Variants in SNAP25 observed in about 807,000 individuals in gnomAD.
The protein encoded by SNAP25 is synaptosome associated protein 25, also known as synaptosomal-associated protein 25.
Under a neutral mutation model 28.7 loss-of-function variants are expected in SNAP25, and 3 were observed. The observed-to-expected ratio is 0.10, with a 90% CI of 0.05 to 0.27. The LOEUF (loss-of-function observed/expected upper bound fraction) is 0.27, where lower values mean the gene tolerates loss of function less well. Ranked by LOEUF, SNAP25 falls within the 10% of genes least tolerant of loss-of-function variation. The pLI is 1.00. For missense variants in SNAP25, 117 were observed against 278.7 expected (o/e 0.42, Z 4.13); for synonymous variants, 61 against 88.1 (o/e 0.69, Z 1.72).
At chr20:10,242,028 A>T (rs2063043038) in intron 1 of SNAP25, among the ~76,000 whole-genome samples, 1 of 152,162 alleles carries the variant, frequency 6.6e-6, no homozygotes, top group East Asian at 1.9e-4. Flanking sequence ...GGGGATCCCT[A>T]CTGGACAGTA....
intron 1 of SNAP25, among the ~76,000 whole-genome samples, chr20:10,266,564 T>C (rs2063509970): frequency 6.6e-6 from 1 of 152,196 alleles, no homozygotes; most frequent in African/African-American, 2.4e-5. Context: ...TTTGGTTTGT[T>C]TGATGAAGAT....
At chr20:10,275,635 T>A in intron 2 of SNAP25, 72 bp downstream of exon 2, 2 of 1,282,962 alleles carry the variant, frequency 1.6e-6, no homozygotes, top group Non-Finnish European at 2.1e-6. Flanking sequence ...CAGGTTCAGG[T>A]AGGGAAAGCC....
chr20:10,234,596 AG>A (rs1328753035), intron 1 of SNAP25, among the ~76,000 whole-genome samples: 1 of 152,230 alleles, frequency 6.6e-6, no homozygotes, highest in African/African-American at 2.4e-5. Context: ...TGCTTACAAA[AG>A]TTGTGCAATT....
At chr20:10,241,930 G>A (rs2063041512) in intron 1 of SNAP25, among the ~76,000 whole-genome samples, 1 of 152,148 alleles carries the variant, frequency 6.6e-6, no homozygotes, top group African/African-American at 2.4e-5. Flanking sequence ...AGATACTCTG[G>A]ATTGGAGTGT....
chr20:10,251,705 G>T (rs1450934146), intron 1 of SNAP25, among the ~76,000 whole-genome samples: 1 of 152,148 alleles, frequency 6.6e-6, no homozygotes, highest in Non-Finnish European at 1.5e-5. Flanking sequence ...GGTGGCTTTT[G>T]TCTTTCCTTT....
intron 2 of SNAP25, among the ~76,000 whole-genome samples, chr20:10,276,358 T>G (rs1368231506): frequency 6.6e-6 from 1 of 152,198 alleles, no homozygotes; most frequent in Non-Finnish European, 1.5e-5. Flanking sequence ...ATACTGCAGA[T>G]CAGGACTTGA....
intron 1 of SNAP25, among the ~76,000 whole-genome samples, chr20:10,259,830 C>T (rs983700872): frequency 6.6e-6 from 1 of 152,184 alleles, no homozygotes; most frequent in East Asian, 1.9e-4. Flanking sequence ...AGCCGCTGTG[C>T]CCAGCCAGAA....
At chr20:10,233,454 A>G (rs2062860965) in intron 1 of SNAP25, among the ~76,000 whole-genome samples, 1 of 152,212 alleles carries the variant, frequency 6.6e-6, no homozygotes, top group Non-Finnish European at 1.5e-5. Context: ...GGACACAGTG[A>G]AGGAAGGGAA....
rs527558008 is a variant in SNAP25 at position 10,248,626 on chromosome 20, A to G, written c.-63-26803A>G. 9.2e-5 allele frequency among the ~76,000 whole-genome samples: 14 copies of G among 152,316 alleles called. No homozygotes were observed. In the South Asian group the frequency reaches 2.7e-3, roughly 29 times the overall value. On this transcript the variant is annotated intron_variant, in intron 1 of 7. Transcript: ENST00000254976. ...CAACGATCATTTTTGAGATGAGGAA[A>G]ATGGGGCACAGAGAGGCTAGACATC...
At chr20:10,297,344 G>A (rs2064135968) in intron 6 of SNAP25, among the ~76,000 whole-genome samples, 1 of 152,144 alleles carries the variant, frequency 6.6e-6, no homozygotes. Flanking sequence ...AGTATTCCAA[G>A]GGGGCAAGCC....
chr20:10,263,251 C>G (rs1405142605), intron 1 of SNAP25, among the ~76,000 whole-genome samples: 3 of 151,880 alleles, frequency 2.0e-5, no homozygotes. Flanking sequence ...GATCTCCTGA[C>G]CTCATGATCC....
At chr20:10,266,832 A>G (rs1443049064) in intron 1 of SNAP25, among the ~76,000 whole-genome samples, 1 of 152,242 alleles carries the variant, frequency 6.6e-6, no homozygotes, top group Non-Finnish European at 1.5e-5. Flanking sequence ...ACCTGAACAC[A>G]TCCCTTTCAG....
chr20:10,299,719 G>A (rs2064191190), intron 7 of SNAP25, among the ~76,000 whole-genome samples: 1 of 152,162 alleles, frequency 6.6e-6, no homozygotes, highest in Admixed American at 6.5e-5. Context: ...GAAATTCACG[G>A]CCTATGGGAG....
intron 1 of SNAP25, among the ~76,000 whole-genome samples, chr20:10,249,972 G>A (rs2063196812): frequency 6.6e-6 from 1 of 152,116 alleles, no homozygotes; most frequent in Non-Finnish European, 1.5e-5. Context: ...CACACCCTCA[G>A]AGATTCCAAT....
chr20:10,286,533 G>A (rs1392884682), intron 4 of SNAP25, among the ~76,000 whole-genome samples: 1 of 152,118 alleles, frequency 6.6e-6, no homozygotes, highest in Non-Finnish European at 1.5e-5. Context: ...GGGCAGAAAT[G>A]TTCTAGCACT....
intron 1 of SNAP25, among the ~76,000 whole-genome samples, chr20:10,236,327 G>A (rs1307259929): frequency 1.3e-5 from 2 of 152,206 alleles, no homozygotes; most frequent in African/African-American, 4.8e-5. Context: ...ATTCAGCAGG[G>A]AAGTCAAAGG....
chr20:10,252,659 TAGTA>T (rs1237050800), intron 1 of SNAP25, among the ~76,000 whole-genome samples: 1 of 151,972 alleles, frequency 6.6e-6, no homozygotes, highest in Non-Finnish European at 1.5e-5. Flanking sequence ...TAGAAAAAAA[TAGTA>T]AGCCCAAACA....
chr20:10,236,815 T>C (rs1156230887), intron 1 of SNAP25, among the ~76,000 whole-genome samples: 1 of 152,076 alleles, frequency 6.6e-6, no homozygotes, highest in East Asian at 1.9e-4. Context: ...GGCACTTCCA[T>C]AGGGCATTCT....
At chr20:10,303,460 T>A (rs955716532) in intron 7 of SNAP25, among the ~76,000 whole-genome samples, 1 of 152,202 alleles carries the variant, frequency 6.6e-6, no homozygotes, top group Admixed American at 6.5e-5. Flanking sequence ...AAATTTCTAT[T>A]TGAACATGGA....
Sources: allele counts gnomAD v4.1 joint callset (sites outside exome capture counted in the v4.1 genomes callset), GRCh38; gene constraint gnomAD v4.1.1; transcripts MANE v1.5; gene names NCBI Gene and HGNC (gene_info 2026-07-23, HGNC 2026-07-21).